UNC13C: variants seen among roughly 807,000 people sequenced by gnomAD.
UNC13C encodes unc-13 homolog C, also known as protein unc-13 homolog C.
A neutral mutation model predicts 245.4 loss-of-function variants in UNC13C; 174 were observed. That is an observed-to-expected ratio of 0.71 (90% CI 0.63 to 0.80). UNC13C has a LOEUF of 0.80. Among genes scored for constraint, UNC13C ranks in the 30% least tolerant of loss-of-function variants. The pLI, the probability that UNC13C is intolerant of heterozygous loss-of-function variation, is 0.00. For synonymous variants in UNC13C, 992 were observed against 895.1 expected (o/e 1.11, Z -1.93); for missense variants, 2,829 against 2,602.9 (o/e 1.09, Z -1.89).
intron 19 of UNC13C, among the ~76,000 whole-genome samples, chr15:54,475,699 G>A (rs1197634988): frequency 4.9e-5 from 7 of 142,504 alleles, no homozygotes; most frequent in African/African-American, 1.8e-4. Flanking sequence ...TCTTAATCCA[G>A]TCTATCATTG....
intron 4 of UNC13C, among the ~76,000 whole-genome samples, chr15:54,182,331 C>G (rs1487515096): frequency 6.6e-6 from 1 of 152,016 alleles, no homozygotes; most frequent in Non-Finnish European, 1.5e-5. Context: ...TGTGATGAAT[C>G]ACATTTATCG....
intron 2 of UNC13C, among the ~76,000 whole-genome samples, chr15:54,101,106 T>C (rs1389853187): frequency 6.6e-6 from 1 of 152,202 alleles, no homozygotes; most frequent in African/African-American, 2.4e-5. Context: ...TTCTCCATCT[T>C]ATTACATATT....
intron 25 of UNC13C, among the ~76,000 whole-genome samples, chr15:54,530,538 A>G (rs1053775069): frequency 1.3e-5 from 2 of 152,208 alleles, no homozygotes; most frequent in Non-Finnish European, 2.9e-5. Flanking sequence ...TAAATTATGC[A>G]GTGCGTCATA....
Position 54,239,516 on chromosome 15 carries a change from T to C in UNC13C, c.3228+1826T>C, listed in dbSNP as rs550000309. On this transcript the variant is annotated intron_variant, in intron 7 of 32. Coordinates refer to ENST00000260323, the MANE Select transcript of UNC13C (RefSeq NM_001080534.3). ...TCCAAGCTGGAGTGCAGTGGTAGGG[T>C]CATAGCTCACTGCAGCCTCAACCTT... is the stretch of plus-strand genomic sequence containing the variant. Among the ~76,000 whole-genome samples the C allele has an allele frequency of 9.2e-4, 140 of 152,316 alleles. 1 individual carries two copies. The highest frequency in any genetic ancestry group is 3.1e-3 in the African/African-American group (128 of 41,556).
chr15:54,381,374 A>G (rs1240302516), intron 17 of UNC13C, among the ~76,000 whole-genome samples: 2 of 152,102 alleles, frequency 1.3e-5, no homozygotes, highest in Non-Finnish European at 2.9e-5. Flanking sequence ...TTTTGAAGTC[A>G]GGTAGTGTGA....
At chr15:54,069,531 A>G (rs1372977123) in intron 2 of UNC13C, among the ~76,000 whole-genome samples, 1 of 152,210 alleles carries the variant, frequency 6.6e-6, no homozygotes, top group Non-Finnish European at 1.5e-5. Flanking sequence ...TCTCATGTAT[A>G]TATTGAAAAT....
chr15:54,476,904 G>C (rs953511137), intron 19 of UNC13C, among the ~76,000 whole-genome samples: 1 of 150,588 alleles, frequency 6.6e-6, no homozygotes, highest in Admixed American at 6.6e-5. Context: ...TGGGCAGTAC[G>C]GCCATTTTCA....
intron 2 of UNC13C, among the ~76,000 whole-genome samples, chr15:54,084,534 C>A (rs4343218): frequency 0.47 from 71,099 of 151,988 alleles, 18,634 homozygotes; most frequent in Non-Finnish European, 0.6. Context: ...TGAATGTGTC[C>A]CCTTTATGGC....
At chr15:54,124,850 G>C (rs1595884261) in intron 2 of UNC13C, among the ~76,000 whole-genome samples, 1 of 151,738 alleles carries the variant, frequency 6.6e-6, no homozygotes, top group South Asian at 2.1e-4. Context: ...TTTTATTTTT[G>C]CCTATGAATA....
the UNC13C span, among the ~76,000 whole-genome samples, chr15:53,849,471 T>C: frequency 1.2e-4 from 18 of 152,138 alleles, no homozygotes; most frequent in Non-Finnish European, 2.2e-4. Flanking sequence ...TATAACATTA[T>C]ACTTTAAGTC....
At chr15:54,241,457 C>T (rs771719661) in intron 7 of UNC13C, among the ~76,000 whole-genome samples, 1 of 152,172 alleles carries the variant, frequency 6.6e-6, no homozygotes, top group Non-Finnish European at 1.5e-5. Flanking sequence ...CCAGGTACTT[C>T]AGACCCCTGC....
chr15:54,280,725 CATATGTAT>C (rs768396360), intron 10 of UNC13C, among the ~76,000 whole-genome samples: 11,965 of 133,456 alleles, frequency 0.09, 756 homozygotes, highest in Middle Eastern at 0.17. Context: ...CATATATAAA[CATATGTAT>C]ACATACATAT....
At chr15:54,412,189 G>A (rs1026372004) in intron 18 of UNC13C, among the ~76,000 whole-genome samples, 6 of 151,708 alleles carry the variant, frequency 4.0e-5, no homozygotes, top group African/African-American at 1.2e-4. Flanking sequence ...CTGGGTGACA[G>A]AGTGAGACTT....
intron 30 of UNC13C, among the ~76,000 whole-genome samples, chr15:54,609,738 G>T (rs955829280): frequency 2.0e-5 from 3 of 152,050 alleles, no homozygotes; most frequent in Non-Finnish European, 4.4e-5. Flanking sequence ...TAATTGTCCA[G>T]TCTCATGCTG....
At chr15:53,992,380 T>C (rs1479849036) in intron 1 of UNC13C, among the ~76,000 whole-genome samples, 1 of 152,046 alleles carries the variant, frequency 6.6e-6, no homozygotes, top group East Asian at 1.9e-4. Context: ...TTTACTCTAG[T>C]TGTTGGTCTG....
chr15:53,999,255 T>C (rs1894775177), intron 1 of UNC13C, among the ~76,000 whole-genome samples: 4 of 151,818 alleles, frequency 2.6e-5, no homozygotes, highest in African/African-American at 9.7e-5. Flanking sequence ...TGATTACATA[T>C]GTATATGTAA....
At chr15:54,589,196 G>A (rs975265233) in intron 30 of UNC13C, among the ~76,000 whole-genome samples, 4 of 150,140 alleles carry the variant, frequency 2.7e-5, no homozygotes, top group East Asian at 2.0e-4. Context: ...AGGTGGTATC[G>A]CATTGTGGTT....
At chr15:53,956,718 T>C in the UNC13C span, among the ~76,000 whole-genome samples, 11 of 151,504 alleles carry the variant, frequency 7.3e-5, no homozygotes, top group African/African-American at 2.4e-4. Flanking sequence ...GATTGTGTAG[T>C]TGAAGGAATT....
chr15:53,843,665 C>T, the UNC13C span, among the ~76,000 whole-genome samples: 7 of 151,990 alleles, frequency 4.6e-5, no homozygotes, highest in African/African-American at 1.7e-4. Flanking sequence ...ATGAAGAAGA[C>T]TGAAAATGAA....
Sources: allele counts gnomAD v4.1 joint callset (sites outside exome capture counted in the v4.1 genomes callset), GRCh38; gene constraint gnomAD v4.1.1; transcripts MANE v1.5; gene names NCBI Gene and HGNC (gene_info 2026-07-23, HGNC 2026-07-21).